The following RTN1 variants were observed in gnomAD, a reference collection of about 807,000 sequenced individuals.
The protein encoded by RTN1 is reticulon-1.
RTN1 carries 25 observed loss-of-function variants against 65.5 expected under a neutral mutation model. That is an observed-to-expected ratio of 0.38 (90% CI 0.28 to 0.53). The LOEUF is 0.53. Ranked by LOEUF, RTN1 falls within the 20% of genes least tolerant of loss-of-function variation. The probability of loss-of-function intolerance (pLI) is 0.79; values close to 1 mark genes in which losing one functional copy is unlikely to be tolerated. For synonymous variants in RTN1, 471 were observed against 447.6 expected, an observed-to-expected ratio of 1.05 and a Z score of -0.66; for missense variants, 983 against 1,025.4, an observed-to-expected ratio of 0.96 and a Z score of 0.57.
chr14:59,870,575 G>C lies in RTN1; in HGVS notation c.56C>G (p.Ser19Cys). The change falls in exon 1 of 9, where the codon TCC becomes TGC. Residue 19 changes from serine to cysteine, a missense_variant. By Grantham distance (112) the Ser-to-Cys change is moderately radical. This residue lies in a region of RTN1 where 818 missense variants were observed against 801.8 expected (regional missense o/e 1.02). Coordinates refer to ENST00000267484, the MANE Select transcript of RTN1 (RefSeq NM_021136.3). This position sits in a 1 kb window ranked among gnomAD's most constrained non-coding sequence, Gnocchi z 5.1. ...DELLPLAGPG[S>C]QWLRHRGEGE... ...CTCCCCCCGGTGCCTGAGCCACTGG[G>C]ACCCGGGGCCGGCCAGCGGCAGCAG... 1 of 1,451,830 alleles carries C rather than the reference G, an allele frequency of 6.9e-7. No individual in the cohort carries two copies. The highest frequency in any genetic ancestry group is 9.0e-7 in the Non-Finnish European group (1 of 1,107,096). The allele number at this position is 1,451,830 out of a possible 1,614,324, so 89.9% of individuals were successfully genotyped here.
intron 1 of RTN1, among the ~76,000 whole-genome samples, chr14:59,749,083 G>A (rs181429833): frequency 1.1e-4 from 15 of 136,512 alleles, no homozygotes; most frequent in South Asian, 2.2e-4. Context: ...CCACCACGCC[G>A]GGGCATCTAT....
At chr14:59,726,808 T>G in intron 3 of RTN1, 111 bp downstream of exon 3, 1 of 887,450 alleles carries the variant, frequency 1.1e-6, no homozygotes, top group Non-Finnish European at 1.7e-6. Context: ...TGGTCAACTG[T>G]TTGATCAGCA....
intron 3 of RTN1, among the ~76,000 whole-genome samples, chr14:59,647,926 GA>G (rs1882934710): frequency 6.6e-6 from 1 of 151,982 alleles, no homozygotes; most frequent in South Asian, 2.1e-4. Flanking sequence ...CAGAAGACAA[GA>G]AATAACCAAA....
intron 1 of RTN1, among the ~76,000 whole-genome samples, chr14:59,810,200 GGTTT>G (rs1267003168): frequency 6.6e-6 from 1 of 152,158 alleles, no homozygotes; most frequent in Non-Finnish European, 1.5e-5. Flanking sequence ...GCAAAAGGCA[GGTTT>G]GTTTCCCAAT....
intron 1 of RTN1, among the ~76,000 whole-genome samples, chr14:59,786,873 T>C (rs1308820237): frequency 6.6e-6 from 1 of 152,168 alleles, no homozygotes; most frequent in Non-Finnish European, 1.5e-5. Context: ...TGTCAGAACT[T>C]AGTAACCGAA....
intron 3 of RTN1, among the ~76,000 whole-genome samples, chr14:59,712,514 T>A (rs1012543302): frequency 6.6e-6 from 1 of 152,232 alleles, no homozygotes. Flanking sequence ...TCAATTCAAC[T>A]TCCGATAAAT....
Position 59,679,119 on chromosome 14 carries a change from A to T in RTN1, c.1765+47800T>A, listed in dbSNP as rs542402074. 4.6e-5 allele frequency among the ~76,000 whole-genome samples: 7 copies of T among 152,296 alleles called. No homozygotes were observed. The South Asian group carries it at 1.0e-3, about 23-fold the overall frequency. On this transcript the variant is annotated intron_variant, in intron 3 of 8. Coordinates refer to ENST00000267484, the MANE Select transcript of RTN1 (RefSeq NM_021136.3). ...CTGGGAACAGGTAGGAATCTACTAG[A>T]AAAAGGCCAAGATAATCCCTAACTT... is the stretch of plus-strand genomic sequence containing the variant.
At position 59,596,652 on chromosome 14, in the gene RTN1, G is replaced by C; in HGVS notation, c.*93C>G. The C allele has an allele frequency of 1.0e-6, 1 of 968,906 alleles. No homozygotes were observed. The highest frequency in any genetic ancestry group is 1.3e-5 in the South Asian group (1 of 77,330). The allele number at this position is 968,906 out of a possible 1,614,324, so 60.0% of individuals were successfully genotyped here. A position where few individuals can be genotyped will look rare whatever the true frequency, so the allele number is the denominator to read the frequency against. ...AAGATTATGGTACTGGAGGGAGGGG[G>C]GAAAGACAATCAATTTGCAGTAATG... On this transcript the variant is annotated 3_prime_UTR_variant, in exon 9 of 9. Coordinates refer to ENST00000267484, the MANE Select transcript of RTN1 (RefSeq NM_021136.3).
At chr14:59,625,538 A>T (rs1351164441) in intron 3 of RTN1, among the ~76,000 whole-genome samples, 1 of 152,190 alleles carries the variant, frequency 6.6e-6, no homozygotes, top group Non-Finnish European at 1.5e-5. Flanking sequence ...AATTATTTTA[A>T]ATACTTTTTG....
intron 1 of RTN1, among the ~76,000 whole-genome samples, chr14:59,748,743 G>C (rs1231804848): frequency 1.3e-5 from 2 of 151,802 alleles, no homozygotes; most frequent in East Asian, 3.9e-4. Context: ...AACAGGGCCT[G>C]ATGAATAGTA....
intron 3 of RTN1, among the ~76,000 whole-genome samples, chr14:59,651,758 C>A (rs1331004626): frequency 6.6e-6 from 1 of 151,622 alleles, no homozygotes; most frequent in Non-Finnish European, 1.5e-5. Flanking sequence ...AACAAACAAC[C>A]CCCCCAAAAA....
At chr14:59,869,467 A>C (rs1887852423) in intron 1 of RTN1, among the ~76,000 whole-genome samples, 1 of 151,030 alleles carries the variant, frequency 6.6e-6, no homozygotes, top group Non-Finnish European at 1.5e-5. Flanking sequence ...CGCTTCCTGG[A>C]TCCTTTGACC....
chr14:59,606,643 T>C (rs1271996218), intron 4 of RTN1, among the ~76,000 whole-genome samples: 3 of 152,240 alleles, frequency 2.0e-5, no homozygotes, highest in African/African-American at 4.8e-5. Context: ...TATTTTGTTA[T>C]AGCAGCTGGC....
At chr14:59,863,251 T>C (rs1887740855) in intron 1 of RTN1, among the ~76,000 whole-genome samples, 1 of 152,160 alleles carries the variant, frequency 6.6e-6, no homozygotes, top group Non-Finnish European at 1.5e-5. Context: ...CTCCATACAG[T>C]TACCTCTTAT....
intron 3 of RTN1, among the ~76,000 whole-genome samples, chr14:59,665,063 T>C (rs1883338306): frequency 6.6e-6 from 1 of 152,162 alleles, no homozygotes; most frequent in South Asian, 2.1e-4. Context: ...GTGGTTTTAG[T>C]TTACATTGTC....
intron 3 of RTN1, among the ~76,000 whole-genome samples, chr14:59,663,779 A>G (rs2140209086): frequency 6.6e-6 from 1 of 152,336 alleles, no homozygotes; most frequent in African/African-American, 2.4e-5. Context: ...ACAATGAGAT[A>G]CCATCTCATG....
At chr14:59,765,782 A>T (rs192605473) in intron 1 of RTN1, among the ~76,000 whole-genome samples, 4,455 of 150,094 alleles carry the variant, frequency 0.03, 203 homozygotes, top group African/African-American at 0.1. Flanking sequence ...TTTTTTTTTT[A>T]AACTCCTAAA....
intron 8 of RTN1, among the ~76,000 whole-genome samples, chr14:59,600,486 A>C (rs1277713207): frequency 6.6e-6 from 1 of 152,204 alleles, no homozygotes; most frequent in East Asian, 1.9e-4. Flanking sequence ...TGATTCTAAC[A>C]ATCATGTTCT....
chr14:59,707,798 A>G (rs1487948031), intron 3 of RTN1, among the ~76,000 whole-genome samples: 1 of 152,068 alleles, frequency 6.6e-6, no homozygotes, highest in Admixed American at 6.6e-5. Context: ...CAGGAAATGA[A>G]CACCTACAAT....
Sources: allele counts gnomAD v4.1 joint callset (sites outside exome capture counted in the v4.1 genomes callset), GRCh38; gene constraint gnomAD v4.1.1; regional missense constraint gnomAD v4.1.1; non-coding constraint Gnocchi (gnomAD v3.1); transcripts MANE v1.5; gene names NCBI Gene and HGNC (gene_info 2026-07-23, HGNC 2026-07-21).